DAP: variants seen among roughly 807,000 people sequenced by gnomAD.
DAP encodes death-associated protein 1.
In DAP, 8 loss-of-function variants were observed where a neutral mutation model predicts 13.8. The ratio of observed to expected loss-of-function variants is 0.58; its 90% CI spans 0.34 to 1.05. The LOEUF is 1.05. Among genes scored for constraint, DAP ranks in the 50% least tolerant of loss-of-function variants. The pLI, the probability that DAP is intolerant of heterozygous loss-of-function variation, is 0.03. For missense variants in DAP, 106 were observed against 133.2 expected (o/e 0.80, Z 1.01); for synonymous variants, 47 against 47.5 (o/e 0.99, Z 0.04).
chr5:10,730,716 G>GA (rs1739433899), intron 2 of DAP, among the ~76,000 whole-genome samples: 5 of 105,640 alleles, frequency 4.7e-5, no homozygotes, highest in Admixed American at 1.1e-4. Context: ...TAGTGAGGGG[G>GA]AATCTTTCTG....
intron 2 of DAP, among the ~76,000 whole-genome samples, chr5:10,725,207 T>C (rs1056103988): frequency 1.3e-5 from 2 of 152,202 alleles, no homozygotes; most frequent in Admixed American, 6.5e-5. Context: ...AGGTGAGTCA[T>C]TGGTTTTAAC....
intron 2 of DAP, among the ~76,000 whole-genome samples, chr5:10,719,858 T>C (rs914759996): frequency 5.3e-5 from 8 of 152,190 alleles, no homozygotes; most frequent in African/African-American, 1.4e-4. Flanking sequence ...GACTAGAGCC[T>C]GGTTCACAGA....
At chr5:10,757,562 C>T (rs915862547) in intron 1 of DAP, among the ~76,000 whole-genome samples, 2 of 152,172 alleles carry the variant, frequency 1.3e-5, no homozygotes, top group African/African-American at 4.8e-5. Context: ...GCGTGAGCCA[C>T]GACACCCGGC....
chr5:10,726,631 G>T (rs1191592247), intron 2 of DAP, among the ~76,000 whole-genome samples: 1 of 152,228 alleles, frequency 6.6e-6, no homozygotes, highest in Non-Finnish European at 1.5e-5. Context: ...TTAGCTGAGG[G>T]ACAACAGGCG....
At chr5:10,713,700 A>G (rs1738908802) in intron 2 of DAP, among the ~76,000 whole-genome samples, 1 of 152,232 alleles carries the variant, frequency 6.6e-6, no homozygotes, top group African/African-American at 2.4e-5. Context: ...TGGACCAGCA[A>G]GGAGCCGTCC....
intron 2 of DAP, among the ~76,000 whole-genome samples, chr5:10,691,651 T>C (rs1182759796): frequency 6.6e-6 from 1 of 152,216 alleles, no homozygotes; most frequent in African/African-American, 2.4e-5. Flanking sequence ...TTATTTTCTC[T>C]CAGGAAACAG....
At chr5:10,688,673 A>T (rs1738217740) in intron 2 of DAP, among the ~76,000 whole-genome samples, 1 of 151,748 alleles carries the variant, frequency 6.6e-6, no homozygotes, top group Non-Finnish European at 1.5e-5. Flanking sequence ...ACACACACAC[A>T]CAACTACTGT....
intron 1 of DAP, among the ~76,000 whole-genome samples, chr5:10,759,321 T>C (rs915077768): frequency 6.6e-6 from 1 of 152,236 alleles, no homozygotes; most frequent in African/African-American, 2.4e-5. Flanking sequence ...AGCAGGTGGC[T>C]GCTGCAGTTC....
At chr5:10,735,230 C>A (rs575300448) in intron 2 of DAP, among the ~76,000 whole-genome samples, 2 of 152,276 alleles carry the variant, frequency 1.3e-5, no homozygotes, top group Admixed American at 1.3e-4. Flanking sequence ...AATACAAGCA[C>A]AAGTGAACAT....
At chr5:10,704,557 G>T (rs923330175) in intron 2 of DAP, among the ~76,000 whole-genome samples, 2 of 152,178 alleles carry the variant, frequency 1.3e-5, no homozygotes, top group African/African-American at 4.8e-5. Flanking sequence ...ATTACATGGA[G>T]ATGCCATGGT....
At chr5:10,693,022 A>G (rs1189607686) in intron 2 of DAP, among the ~76,000 whole-genome samples, 1 of 152,146 alleles carries the variant, frequency 6.6e-6, no homozygotes, top group Non-Finnish European at 1.5e-5. Context: ...TCCGATGTGC[A>G]TCTGACTGGT....
intron 2 of DAP, among the ~76,000 whole-genome samples, chr5:10,701,365 A>C (rs1336394803): frequency 6.6e-6 from 1 of 152,200 alleles, no homozygotes; most frequent in African/African-American, 2.4e-5. Context: ...CTCAAGATGC[A>C]ATCTGCTGCT....
At chr5:10,719,472 A>C (rs951904267) in intron 2 of DAP, among the ~76,000 whole-genome samples, 3 of 152,212 alleles carry the variant, frequency 2.0e-5, no homozygotes, top group Non-Finnish European at 2.9e-5. Flanking sequence ...TTTTGGAGCA[A>C]GGCCCTGCCA....
At chr5:10,740,402 C>T (rs1739726870) in intron 2 of DAP, among the ~76,000 whole-genome samples, 1 of 152,106 alleles carries the variant, frequency 6.6e-6, no homozygotes, top group Non-Finnish European at 1.5e-5. Flanking sequence ...ACAATTTTTC[C>T]AAGCTGATGA....
At chr5:10,733,355 C>A (rs758908898) in intron 2 of DAP, among the ~76,000 whole-genome samples, 5 of 152,036 alleles carry the variant, frequency 3.3e-5, no homozygotes, top group Admixed American at 1.3e-4. Flanking sequence ...TGGGTATATG[C>A]CCAGAAGAGG....
chr5:10,683,623 G>T, intron 2 of DAP, 52 bp from the exon 3 acceptor site: 1 of 1,568,360 alleles, frequency 6.4e-7, no homozygotes, highest in South Asian at 1.1e-5. Context: ...CCACAACAGG[G>T]AACACGGTGG....
chr5:10,720,577 GC>G (rs1402904613), intron 2 of DAP, among the ~76,000 whole-genome samples: 2 of 152,212 alleles, frequency 1.3e-5, no homozygotes, highest in Admixed American at 6.5e-5. Context: ...CGCCCAATGG[GC>G]CCATGAACAA....
chr5:10,737,370 A>AAACAACAACAACAAC (rs375025700), intron 2 of DAP, among the ~76,000 whole-genome samples: 3 of 150,692 alleles, frequency 2.0e-5, no homozygotes, highest in Non-Finnish European at 2.9e-5. Context: ...AACAAAAACA[A>AAACAACAACAACAAC]AACAACAACA....
At chr5:10,745,473 G>T (rs1739875957) in intron 2 of DAP, among the ~76,000 whole-genome samples, 1 of 152,166 alleles carries the variant, frequency 6.6e-6, no homozygotes, top group South Asian at 2.1e-4. Context: ...TGGTTCTCTA[G>T]AGATAGAGAA....
Sources: gnomAD v4.1 joint callset for allele counts (sites outside exome capture counted in the v4.1 genomes callset) on GRCh38, gnomAD v4.1.1 for gene constraint, MANE v1.5 for transcripts, NCBI Gene and HGNC (gene_info 2026-07-23, HGNC 2026-07-21) for gene names.